ZNF804B: variants seen among roughly 807,000 people sequenced by gnomAD.
ZNF804B encodes the protein zinc finger protein 804B.
Under a neutral mutation model 101.4 loss-of-function variants are expected in ZNF804B, and 80 were observed. The observed-to-expected ratio is 0.79, with a 90% confidence interval of 0.66 to 0.95. ZNF804B has a LOEUF of 0.95. ZNF804B is among the 40% of genes least tolerant of loss of function. ZNF804B has a pLI of 0.00. For synonymous variants in ZNF804B, 622 were observed against 558.8 expected (o/e 1.11, Z -1.59); for missense variants, 1,673 against 1,561.9 (o/e 1.07, Z -1.20).
chr7:89,041,652 G>A (rs538303985), intron 1 of ZNF804B, among the ~76,000 whole-genome samples: 20 of 152,264 alleles, frequency 1.3e-4, no homozygotes, highest in Middle Eastern at 3.4e-3. Context: ...GGCTGGTGTC[G>A]AAGTTTGTGG....
intron 1 of ZNF804B, among the ~76,000 whole-genome samples, chr7:88,787,105 G>A (rs756176621): frequency 6.6e-6 from 1 of 152,086 alleles, no homozygotes; most frequent in Non-Finnish European, 1.5e-5. Context: ...GGTGATAGAA[G>A]CAAAGAGCAT....
intron 1 of ZNF804B, among the ~76,000 whole-genome samples, chr7:89,067,220 G>T (rs1399858022): frequency 2.0e-5 from 3 of 152,118 alleles, no homozygotes; most frequent in Non-Finnish European, 4.4e-5. Context: ...AAGCAAGTCT[G>T]AAATCAACAG....
chr7:89,224,825 A>C lies in ZNF804B; in HGVS notation c.249+6530A>C, dbSNP rs118187478. Among the ~76,000 whole-genome samples, 162 of 151,954 alleles carry C rather than the reference A, an allele frequency of 1.1e-3. 4 individuals are homozygous for C. In the East Asian group the frequency reaches 0.025, roughly 23 times the overall value. ...ACCTTTATTAGCAGAGAAGTATAAG[A>C]CAAAAGAACCAAAGGTGATCTTAGC... On this transcript the variant is annotated intron_variant, in intron 2 of 3. Coordinates refer to ENST00000333190, the MANE Select transcript of ZNF804B (RefSeq NM_181646.5).
chr7:89,264,327 G>A (rs533182447), intron 2 of ZNF804B, among the ~76,000 whole-genome samples: 7 of 152,274 alleles, frequency 4.6e-5, no homozygotes, highest in East Asian at 3.9e-4. Flanking sequence ...ACAGCCAATC[G>A]TTGAGGGAGA....
chr7:88,827,594 A>G (rs376650333), intron 1 of ZNF804B, among the ~76,000 whole-genome samples: 9 of 152,040 alleles, frequency 5.9e-5, no homozygotes. Flanking sequence ...TGCACTTTTA[A>G]CAGTTTACTT....
At chr7:88,769,337 G>C (rs1340432289) in intron 1 of ZNF804B, among the ~76,000 whole-genome samples, 1 of 152,126 alleles carries the variant, frequency 6.6e-6, no homozygotes, top group Non-Finnish European at 1.5e-5. Flanking sequence ...AGTGGTCACT[G>C]TTTTCATGGC....
chr7:88,960,694 A>G (rs1793375770), intron 1 of ZNF804B, among the ~76,000 whole-genome samples: 1 of 151,332 alleles, frequency 6.6e-6, no homozygotes. Flanking sequence ...CCATGATGTC[A>G]AGATACTTTT....
intron 1 of ZNF804B, among the ~76,000 whole-genome samples, chr7:89,192,644 TTCATTCTATGAGGCCATCA>T (rs1203457913): frequency 6.6e-6 from 1 of 152,078 alleles, no homozygotes; most frequent in East Asian, 1.9e-4. Flanking sequence ...TCCTACCCAA[TTCATTCTATGAGGCCATCA>T]TCATTCTGAC....
intron 1 of ZNF804B, among the ~76,000 whole-genome samples, chr7:88,832,933 T>A (rs1791154649): frequency 6.6e-6 from 1 of 151,992 alleles, no homozygotes; most frequent in East Asian, 1.9e-4. Flanking sequence ...TTTCTTGCAC[T>A]ATGAACTCTG....
chr7:89,057,489 G>C (rs1283693111), intron 1 of ZNF804B, among the ~76,000 whole-genome samples: 1 of 121,228 alleles, frequency 8.2e-6, no homozygotes, highest in Admixed American at 8.5e-5. Flanking sequence ...GGAAAGCAAG[G>C]AAAAACCCTC....
At chr7:89,035,881 TCATATA>T (rs1788917903) in intron 1 of ZNF804B, among the ~76,000 whole-genome samples, 2 of 146,096 alleles carry the variant, frequency 1.4e-5, no homozygotes, top group Admixed American at 1.4e-4. Flanking sequence ...TATTATATAT[TCATATA>T]CATTATATTA....
chr7:88,831,965 T>G (rs1791141262), intron 1 of ZNF804B, among the ~76,000 whole-genome samples: 1 of 151,926 alleles, frequency 6.6e-6, no homozygotes, highest in Non-Finnish European at 1.5e-5. Context: ...TGTTTTAATC[T>G]TGAAAATTAC....
chr7:88,877,902 T>G (rs539412904), intron 1 of ZNF804B, among the ~76,000 whole-genome samples: 1 of 152,280 alleles, frequency 6.6e-6, no homozygotes, highest in African/African-American at 2.4e-5. Context: ...CATAAGGAAT[T>G]TATACTTCTT....
intron 1 of ZNF804B, among the ~76,000 whole-genome samples, chr7:88,912,096 A>G (rs1792557813): frequency 6.6e-6 from 1 of 152,052 alleles, no homozygotes. Context: ...AGCAACCACA[A>G]AAACAATCTT....
At chr7:88,857,481 A>G (rs1355317168) in intron 1 of ZNF804B, among the ~76,000 whole-genome samples, 4 of 152,242 alleles carry the variant, frequency 2.6e-5, no homozygotes, top group African/African-American at 4.8e-5. Context: ...AATACTATCA[A>G]CAACTCTACA....
chr7:89,208,371 C>T (rs58757819), intron 1 of ZNF804B, among the ~76,000 whole-genome samples: 4,971 of 152,230 alleles, frequency 0.033, 251 homozygotes, highest in African/African-American at 0.11. Context: ...CATGAGCCAC[C>T]GCGCCTAGCC....
At chr7:89,203,974 T>C (rs186983039) in intron 1 of ZNF804B, among the ~76,000 whole-genome samples, 27 of 152,260 alleles carry the variant, frequency 1.8e-4, no homozygotes, top group Admixed American at 1.6e-3. Flanking sequence ...TGAATCTATT[T>C]GAAGGGAACA....
At chr7:89,288,881 A>G (rs1790245037) in intron 2 of ZNF804B, among the ~76,000 whole-genome samples, 1 of 152,346 alleles carries the variant, frequency 6.6e-6, no homozygotes, top group East Asian at 1.9e-4. Context: ...GGAACAATAA[A>G]ATATATTTTT....
In ZNF804B at chr7:89,333,408, A is replaced by G. The variant is rs775191182; in HGVS notation, c.426A>G (p.Ile142Met). 5.0e-6 allele frequency: 8 copies of G among 1,612,432 alleles called. No individual in the cohort carries two copies. The highest frequency in any genetic ancestry group is 6.8e-6 in the Non-Finnish European group (8 of 1,179,176). ...CATACAAAGCCCCCAGGGTAGCCAT[A>G]GAAAAGCAACTCCAGCAAGGAATTT... ...GPAYKAPRVAIEKQLQQGIFP... is the reference protein window; with the variant it reads ...GPAYKAPRVAMEKQLQQGIFP... The change falls in exon 4 of 4, where the codon ATA becomes ATG. Residue 142 changes from isoleucine to methionine, a missense_variant. Transcript: ENST00000333190.
Sources: allele counts gnomAD v4.1 joint callset (sites outside exome capture counted in the v4.1 genomes callset), GRCh38; gene constraint gnomAD v4.1.1; transcripts MANE v1.5; gene names NCBI Gene and HGNC (gene_info 2026-07-23, HGNC 2026-07-21).